Variants in DSCAML1 observed in about 807,000 individuals in gnomAD.
DSCAML1 encodes the protein cell adhesion molecule DSCAML1.
DSCAML1 carries 38 observed loss-of-function variants against 200.5 expected under a neutral mutation model. That is an observed-to-expected ratio of 0.19 (90% CI 0.15 to 0.25). The LOEUF (loss-of-function observed/expected upper bound fraction) is 0.25. DSCAML1 is among the 10% of genes least tolerant of loss of function. DSCAML1 has a pLI of 1.00. For missense variants in DSCAML1, 2,223 were observed against 2,858.8 expected (o/e 0.78, Z 5.07); for synonymous variants, 1,215 against 1,165.0 (o/e 1.04, Z -0.87).
intron 30 of DSCAML1, among the ~76,000 whole-genome samples, chr11:117,431,948 C>T (rs565084730): frequency 3.3e-5 from 5 of 152,266 alleles, no homozygotes; most frequent in South Asian, 4.1e-4. Flanking sequence ...GCATTCTCCC[C>T]GCCCACCCCA....
chr11:117,764,759 C>T (rs554948391), intron 3 of DSCAML1, among the ~76,000 whole-genome samples: 2 of 152,348 alleles, frequency 1.3e-5, no homozygotes, highest in African/African-American at 4.8e-5. Flanking sequence ...TGGGCAGTAG[C>T]AGCAGGATCT....
At position 117,524,971 on chromosome 11, in the gene DSCAML1, G is replaced by C. The variant is rs1361384587; in HGVS notation, c.771C>G (p.Ile257Met). The stretch of plus-strand genomic sequence containing the variant: ...GGGGCCGGCCATCCTTGAGCCAGCG[G>C]ATGGCGGGGATAGGGTAGCCCGAGG... ...CTASGYPIPA[I>M]RWLKDGRPLP... is the part of the protein sequence containing the mutation. Residue 257 changes from isoleucine to methionine, a missense_variant, in exon 5 of 33, where the codon ATC (isoleucine) becomes ATG (methionine). Ile to Met is a conservative substitution (Grantham distance 10). Around this residue, in one of 7 missense-constraint regions of DSCAML1, gnomAD observed 579 missense variants for 721.5 expected, o/e 0.80. Transcript: ENST00000651296. 6.2e-7 allele frequency: 1 copy of C among 1,613,076 alleles called. No individual in the cohort carries two copies. Among genetic ancestry groups the C allele is most frequent in the Admixed American group, 1.7e-5 (1 of 59,910 alleles).
intron 3 of DSCAML1, among the ~76,000 whole-genome samples, chr11:117,623,666 A>G (rs2051985722): frequency 6.6e-6 from 1 of 152,250 alleles, no homozygotes; most frequent in African/African-American, 2.4e-5. Flanking sequence ...TGGGGATAAT[A>G]GTAACACCTA....
chr11:117,459,591 G>A (rs1348571551), intron 18 of DSCAML1, among the ~76,000 whole-genome samples: 2 of 152,246 alleles, frequency 1.3e-5, no homozygotes, highest in African/African-American at 4.8e-5. Context: ...GGACACTCCT[G>A]AGGCTCAGGG....
At chr11:117,763,863 G>T (rs1329667503) in intron 3 of DSCAML1, among the ~76,000 whole-genome samples, 1 of 152,126 alleles carries the variant, frequency 6.6e-6, no homozygotes, top group Non-Finnish European at 1.5e-5. Flanking sequence ...ACTCTCCCCT[G>T]CAGGAGCTCA....
chr11:117,729,706 A>C (rs1024162306), intron 3 of DSCAML1, among the ~76,000 whole-genome samples: 20 of 152,382 alleles, frequency 1.3e-4, no homozygotes, highest in African/African-American at 4.1e-4. Flanking sequence ...AAGCCATGAG[A>C]TACCACTTCA....
chr11:117,757,548 G>A (rs548083684), intron 3 of DSCAML1, among the ~76,000 whole-genome samples: 27 of 145,046 alleles, frequency 1.9e-4, no homozygotes, highest in African/African-American at 5.6e-4. Context: ...TAGAGCATAC[G>A]CATTTTTAAC....
At chr11:117,542,949 C>T (rs2050299841) in intron 3 of DSCAML1, among the ~76,000 whole-genome samples, 1 of 152,230 alleles carries the variant, frequency 6.6e-6, no homozygotes, top group East Asian at 1.9e-4. Flanking sequence ...CTTTGGCTAA[C>T]CCCTTCCCCG....
intron 20 of DSCAML1, among the ~76,000 whole-genome samples, chr11:117,445,079 T>C (rs1385097924): frequency 6.6e-6 from 1 of 152,034 alleles, no homozygotes; most frequent in African/African-American, 2.4e-5. Flanking sequence ...CACACACATG[T>C]AGACGCATGC....
At chr11:117,557,139 C>T (rs911465844) in intron 3 of DSCAML1, among the ~76,000 whole-genome samples, 1 of 152,050 alleles carries the variant, frequency 6.6e-6, no homozygotes, top group African/African-American at 2.4e-5. Flanking sequence ...TTAAGATGCC[C>T]GTAGTTAGTC....
Position 117,480,647 on chromosome 11 carries a change from T to C in DSCAML1, c.2657-76A>G. 6.6e-7 allele frequency: 1 copy of C among 1,514,434 alleles called. No homozygotes were observed. Among genetic ancestry groups the C allele is most frequent in the Non-Finnish European group, 8.9e-7 (1 of 1,122,394 alleles). The allele number at this position is 1,514,434 out of a possible 1,614,324, so 93.8% of individuals were successfully genotyped here. On this transcript the variant is annotated intron_variant, in intron 13 of 32. Coordinates refer to ENST00000651296, the MANE Select transcript of DSCAML1 (RefSeq NM_020693.4). The surrounding 1 kb of genome is among the most constrained non-coding windows in gnomAD (Gnocchi z 4.1). ...TGGCCTCCTGCTTGGCCCTGAGGATTGGCATCACCTGGGTCTAGCCAAGGA... is the reference window on the plus strand; with the variant it reads ...TGGCCTCCTGCTTGGCCCTGAGGATCGGCATCACCTGGGTCTAGCCAAGGA...
At chr11:117,573,564 C>T (rs2050882793) in intron 3 of DSCAML1, among the ~76,000 whole-genome samples, 1 of 152,234 alleles carries the variant, frequency 6.6e-6, no homozygotes, top group Non-Finnish European at 1.5e-5. Flanking sequence ...CCCTCAGTCA[C>T]AACATCCAGA....
chr11:117,664,754 G>A (rs1490658055), intron 3 of DSCAML1, among the ~76,000 whole-genome samples: 4 of 152,128 alleles, frequency 2.6e-5, no homozygotes, highest in African/African-American at 4.8e-5. Context: ...GACAATACAT[G>A]GGGAGGCCTA....
intron 3 of DSCAML1, among the ~76,000 whole-genome samples, chr11:117,634,119 C>A (rs1483297377): frequency 6.6e-6 from 1 of 152,152 alleles, no homozygotes; most frequent in Admixed American, 6.5e-5. Context: ...GGCTCCCGAC[C>A]CAGGGCAGAG....
At position 117,796,806 on chromosome 11, in the gene DSCAML1, G is replaced by A. The variant is rs7934958; in HGVS notation, c.46+228C>T. 4.9e-3 allele frequency among the ~76,000 whole-genome samples: 747 copies of A among 152,262 alleles called. 10 individuals carry two copies. Among genetic ancestry groups the A allele is most frequent in the African/African-American group, 0.016 (650 of 41,548 alleles). On this transcript the variant is annotated intron_variant, in intron 1 of 32. Transcript: ENST00000651296. ...GGGCTCCTTTGCCACCACCCCTACG[G>A]GCGCGCCCCAAAACGGCAGACGCGG...
At chr11:117,656,529 AT>A in intron 3 of DSCAML1, among the ~76,000 whole-genome samples, 1 of 151,930 alleles carries the variant, frequency 6.6e-6, no homozygotes, top group East Asian at 1.9e-4. Context: ...CTATCTATCT[AT>A]CTATCTATCT....
In DSCAML1 at chr11:117,450,695, A is replaced by G; in HGVS notation, c.3569-7T>C. 6.2e-7 allele frequency: 1 copy of G among 1,613,402 alleles called. No individual in the cohort carries two copies. The highest frequency in any genetic ancestry group is 1.7e-5 in the Admixed American group (1 of 59,942). ...CCAGCAGGGGGACCTGGAACTGAGC[A>G]GGGAGAAGGCCTGGTCAGTTGAGAG... On this transcript the variant is annotated splice_polypyrimidine_tract_variant and splice_region_variant and intron_variant, in intron 19 of 32. Coordinates refer to ENST00000651296, the MANE Select transcript of DSCAML1 (RefSeq NM_020693.4).
intron 1 of DSCAML1, among the ~76,000 whole-genome samples, chr11:117,806,735 T>C (rs968156674): frequency 6.6e-6 from 1 of 152,244 alleles, no homozygotes; most frequent in Non-Finnish European, 1.5e-5. Flanking sequence ...CATCATTCTA[T>C]GTATTGACTT....
chr11:117,588,026 G>T (rs2051184373), intron 3 of DSCAML1, among the ~76,000 whole-genome samples: 1 of 152,178 alleles, frequency 6.6e-6, no homozygotes, highest in Non-Finnish European at 1.5e-5. Context: ...CTTTGACAAA[G>T]ACTGATGTGG....
Sources: allele counts gnomAD v4.1 joint callset (sites outside exome capture counted in the v4.1 genomes callset), GRCh38; gene constraint gnomAD v4.1.1; regional missense constraint gnomAD v4.1.1; non-coding constraint Gnocchi (gnomAD v3.1); transcripts MANE v1.5; gene names NCBI Gene and HGNC (gene_info 2026-07-23, HGNC 2026-07-21).